The following PKHD1 variants were observed in gnomAD, a reference collection of about 807,000 sequenced individuals.
The protein encoded by PKHD1 is fibrocystin.
PKHD1 carries 291 observed loss-of-function variants against 412.0 expected under a neutral mutation model. That is an observed-to-expected ratio of 0.71 (90% CI 0.64 to 0.78). The LOEUF (loss-of-function observed/expected upper bound fraction) is 0.78. Among genes scored for constraint, PKHD1 ranks in the 30% least tolerant of loss-of-function variants. PKHD1 has a pLI of 0.00. For synonymous variants in PKHD1, 1,777 were observed against 1,821.5 expected, an observed-to-expected ratio of 0.98 and a Z score of 0.62; for missense variants, 4,825 against 4,950.7, an observed-to-expected ratio of 0.97 and a Z score of 0.76.
chr6:51,997,620 G>T (rs916991400), intron 35 of PKHD1, among the ~76,000 whole-genome samples: 1 of 152,206 alleles, frequency 6.6e-6, no homozygotes, highest in Non-Finnish European at 1.5e-5. Context: ...AGCACAGGCA[G>T]AAATGCCAAG....
At chr6:51,783,344 C>T (rs1352832901) in intron 53 of PKHD1, among the ~76,000 whole-genome samples, 3 of 126,784 alleles carry the variant, frequency 2.4e-5, no homozygotes, top group Non-Finnish European at 3.5e-5. Context: ...TTTTACAATA[C>T]AAATAAATTT....
chr6:51,764,661 A>T (rs1416212293), intron 55 of PKHD1, among the ~76,000 whole-genome samples: 1 of 151,978 alleles, frequency 6.6e-6, no homozygotes, highest in Non-Finnish European at 1.5e-5. Flanking sequence ...CTTGGAACCA[A>T]CCCAAATGTC....
intron 34 of PKHD1, among the ~76,000 whole-genome samples, chr6:52,013,319 GAATT>G (rs1800039664): frequency 6.6e-6 from 1 of 152,176 alleles, no homozygotes; most frequent in Non-Finnish European, 1.5e-5. Context: ...GCTCTGAAGA[GAATT>G]AAACCCCTTT....
intron 35 of PKHD1, among the ~76,000 whole-genome samples, chr6:51,988,253 C>T (rs1053090601): frequency 3.3e-5 from 5 of 152,168 alleles, no homozygotes; most frequent in African/African-American, 1.2e-4. Flanking sequence ...AAGCTATACA[C>T]TTAAGATCTG....
intron 51 of PKHD1, among the ~76,000 whole-genome samples, chr6:51,833,270 T>A (rs1768595737): frequency 6.6e-6 from 1 of 152,166 alleles, no homozygotes; most frequent in South Asian, 2.1e-4. Flanking sequence ...TCACCTTTAC[T>A]CTTGCTTATA....
At chr6:51,773,741 G>C (rs1223453391) in intron 54 of PKHD1, among the ~76,000 whole-genome samples, 2 of 150,794 alleles carry the variant, frequency 1.3e-5, no homozygotes, top group Non-Finnish European at 3.0e-5. Context: ...AAAGAAGCAG[G>C]AGACCACTAA....
At chr6:51,633,864 T>C (rs1333738808) in intron 64 of PKHD1, among the ~76,000 whole-genome samples, 1 of 152,134 alleles carries the variant, frequency 6.6e-6, no homozygotes, top group Non-Finnish European at 1.5e-5. Flanking sequence ...CATACAAAAA[T>C]GTCAATTTTA....
At chr6:51,691,994 A>G (rs1325580682) in intron 60 of PKHD1, among the ~76,000 whole-genome samples, 2 of 152,096 alleles carry the variant, frequency 1.3e-5, no homozygotes, top group Non-Finnish European at 2.9e-5. Context: ...TTGTCTCTCC[A>G]GTCAAACCTC....
At chr6:51,769,732 CTG>C (rs1562271390) in intron 55 of PKHD1, among the ~76,000 whole-genome samples, 1 of 151,210 alleles carries the variant, frequency 6.6e-6, no homozygotes, top group Non-Finnish European at 1.5e-5. Flanking sequence ...TTTAGAATAA[CTG>C]TCAATATGAA....
chr6:51,923,053 T>C (rs929325871), intron 37 of PKHD1, among the ~76,000 whole-genome samples: 11 of 152,184 alleles, frequency 7.2e-5, no homozygotes, highest in African/African-American at 2.4e-4. Flanking sequence ...ACTGGAGTTG[T>C]TCCTATTCAG....
At chr6:51,926,620 A>G (rs552690068) in intron 37 of PKHD1, among the ~76,000 whole-genome samples, 9 of 152,290 alleles carry the variant, frequency 5.9e-5, no homozygotes, top group African/African-American at 2.2e-4. Flanking sequence ...AAAGACCTTA[A>G]AAACAGCATG....
At position 51,909,411 on chromosome 6, in the gene PKHD1, G is replaced by A; in HGVS notation, c.6554C>T (p.Ala2185Val). ...TGGGAAGGACTGAACGATCACTCTGGCTCCCATATCCCTGGATCCTAGCAT... is the reference window on the plus strand; with the variant it reads ...TGGGAAGGACTGAACGATCACTCTGACTCCCATATCCCTGGATCCTAGCAT... ...EKMLGSRDMG[A>V]RVIVQSFPEE... The change falls in exon 40 of 67, where the codon GCC (alanine) becomes GTC (valine). Residue 2185 changes from alanine (A) to valine (V), a missense_variant. Physicochemically the swap from Ala to Val is moderately conservative, Grantham distance 64. Transcript: ENST00000371117. The A allele has an allele frequency of 6.2e-7, 1 of 1,613,250 alleles. No homozygotes were observed. Among genetic ancestry groups the A allele is most frequent in the Non-Finnish European group, 8.5e-7 (1 of 1,179,424 alleles).
chr6:52,045,675 C>A (rs1374995775), intron 24 of PKHD1, among the ~76,000 whole-genome samples: 1 of 152,210 alleles, frequency 6.6e-6, no homozygotes, highest in Non-Finnish European at 1.5e-5. Context: ...ATGCCATCTG[C>A]TTCCACAATC....
At chr6:51,661,263 A>G (rs1435593157) in intron 60 of PKHD1, among the ~76,000 whole-genome samples, 1 of 152,132 alleles carries the variant, frequency 6.6e-6, no homozygotes, top group East Asian at 1.9e-4. Context: ...AGATATAGAT[A>G]TAGATATATA....
chr6:52,084,756 T>C (rs866679414), intron 2 of PKHD1, 126 bp downstream of exon 2: 2 of 760,668 alleles, frequency 2.6e-6, no homozygotes, highest in Middle Eastern at 2.3e-4. Context: ...AATTTTTTGA[T>C]TGGCAAGTTA....
intron 50 of PKHD1, among the ~76,000 whole-genome samples, chr6:51,842,244 A>G (rs1432740979): frequency 6.6e-6 from 1 of 152,132 alleles, no homozygotes; most frequent in Non-Finnish European, 1.5e-5. Context: ...GCTCGGCTGC[A>G]TCTCTGCTCC....
rs147210503 is a variant in PKHD1 at position 51,804,359 on chromosome 6, T to TGGGGG, written c.8303-12991_8303-12987dup. 1.9e-4 allele frequency among the ~76,000 whole-genome samples: 6 copies of TGGGGG among 31,858 alleles called. 3 individuals are homozygous for TGGGGG. The highest frequency in any genetic ancestry group is 7.1e-3 in the East Asian group (2 of 282). 20.9% of individuals were successfully genotyped at this position (31,858 alleles called of 152,430 possible). A position where few individuals can be genotyped will look rare whatever the true frequency, so the allele number is the denominator to read the frequency against. ...ACTAAGTAGAGAAATACTAATTCATTGGGGGGGGGGGGGGCGGTAACAGGA... is the reference window on the plus strand; with the variant it reads ...ACTAAGTAGAGAAATACTAATTCATTGGGGGGGGGGGGGGGGGGGCGGTAACAGGA... On this transcript the variant is annotated intron_variant, in intron 52 of 66. Coordinates refer to ENST00000371117, the MANE Select transcript of PKHD1 (RefSeq NM_138694.4).
intron 60 of PKHD1, among the ~76,000 whole-genome samples, chr6:51,702,421 G>C (rs115234325): frequency 6.6e-6 from 1 of 151,510 alleles, no homozygotes; most frequent in Non-Finnish European, 1.5e-5. Context: ...GTATTTTGGC[G>C]ACTCAGGGGA....
intron 49 of PKHD1, 98 bp downstream of exon 49, chr6:51,855,795 C>T (rs1441351709): frequency 1.0e-5 from 10 of 960,588 alleles, no homozygotes; most frequent in African/African-American, 3.2e-5. Flanking sequence ...CTTTCAATAA[C>T]GAGATAACCT....
Sources: gnomAD v4.1 joint callset for allele counts (sites outside exome capture counted in the v4.1 genomes callset) on GRCh38, gnomAD v4.1.1 for gene constraint, MANE v1.5 for transcripts, NCBI Gene and HGNC (gene_info 2026-07-23, HGNC 2026-07-21) for gene names.